EPC2: variants seen among roughly 807,000 people sequenced by gnomAD.
The protein encoded by EPC2 is enhancer of polycomb 2.
A neutral mutation model predicts 92.1 loss-of-function variants in EPC2; 14 were observed. That is an observed-to-expected ratio of 0.15 (90% CI 0.10 to 0.24). The LOEUF is 0.24. EPC2 is among the 10% of genes least tolerant of loss of function. The probability of loss-of-function intolerance (pLI) is 1.00; values close to 1 mark genes in which losing one functional copy is unlikely to be tolerated. For synonymous variants in EPC2, 340 were observed against 334.7 expected, an observed-to-expected ratio of 1.02 and a Z score of -0.17; for missense variants, 755 against 971.5, an observed-to-expected ratio of 0.78 and a Z score of 2.96.
At chr2:148,675,674 A>G (rs1336240921) in intron 1 of EPC2, among the ~76,000 whole-genome samples, 1 of 152,148 alleles carries the variant, frequency 6.6e-6, no homozygotes, top group Non-Finnish European at 1.5e-5. Context: ...CCCAGTATCT[A>G]TCCTCTCTCC....
intron 2 of EPC2, among the ~76,000 whole-genome samples, chr2:148,696,313 T>C (rs1681743971): frequency 6.6e-6 from 1 of 152,102 alleles, no homozygotes; most frequent in Non-Finnish European, 1.5e-5. Context: ...ATGCCAGACA[T>C]TGTGTGAAAA....
At chr2:148,775,039 A>C (rs1322900996) in intron 10 of EPC2, among the ~76,000 whole-genome samples, 1 of 151,136 alleles carries the variant, frequency 6.6e-6, no homozygotes, top group Non-Finnish European at 1.5e-5. Context: ...CAGCAAGCCG[A>C]GATCCTGCCA....
chr2:148,685,027 TTTCTC>T (rs1332080821), intron 1 of EPC2, among the ~76,000 whole-genome samples: 2 of 152,214 alleles, frequency 1.3e-5, no homozygotes, highest in African/African-American at 4.8e-5. Flanking sequence ...CCTTTTGGGT[TTTCTC>T]TTCTGTAAAT....
intron 10 of EPC2, among the ~76,000 whole-genome samples, chr2:148,771,791 C>T (rs1683525824): frequency 6.7e-6 from 1 of 150,192 alleles, no homozygotes; most frequent in Admixed American, 6.8e-5. Flanking sequence ...TTAGGAGACT[C>T]CCTGTGAATA....
At chr2:148,780,510 T>C (rs1307335131) in intron 10 of EPC2, among the ~76,000 whole-genome samples, 1 of 152,184 alleles carries the variant, frequency 6.6e-6, no homozygotes, top group Non-Finnish European at 1.5e-5. Flanking sequence ...TAAACTCCTT[T>C]AGGTCATATT....
intron 1 of EPC2, among the ~76,000 whole-genome samples, chr2:148,669,241 C>T (rs1445191349): frequency 6.6e-6 from 1 of 152,110 alleles, no homozygotes; most frequent in Non-Finnish European, 1.5e-5. Flanking sequence ...TTTTGTTCCC[C>T]TCTCCCTCTT....
chr2:148,759,392 C>CA (rs956119039), intron 4 of EPC2, among the ~76,000 whole-genome samples: 10 of 151,716 alleles, frequency 6.6e-5, no homozygotes, highest in African/African-American at 1.5e-4. Flanking sequence ...TGCGCCCGGC[C>CA]AAAAAAAGTA....
intron 2 of EPC2, among the ~76,000 whole-genome samples, chr2:148,722,155 G>T (rs942151531): frequency 6.6e-6 from 1 of 152,088 alleles, no homozygotes; most frequent in Non-Finnish European, 1.5e-5. Flanking sequence ...CGGTTTTATG[G>T]TGTGTTTTGT....
At chr2:148,675,816 G>C (rs1195600433) in intron 1 of EPC2, among the ~76,000 whole-genome samples, 1 of 152,208 alleles carries the variant, frequency 6.6e-6, no homozygotes, top group East Asian at 1.9e-4. Context: ...TAAGGTGGTA[G>C]AGTATATAAG....
intron 1 of EPC2, among the ~76,000 whole-genome samples, chr2:148,646,273 G>A (rs1683799038): frequency 6.6e-6 from 1 of 152,180 alleles, no homozygotes; most frequent in African/African-American, 2.4e-5. Flanking sequence ...TAATATTGCA[G>A]GAAATGCTTT....
intron 1 of EPC2, among the ~76,000 whole-genome samples, chr2:148,654,106 G>A (rs1285811030): frequency 6.6e-6 from 1 of 151,850 alleles, no homozygotes; most frequent in Non-Finnish European, 1.5e-5. Flanking sequence ...ACGCCACCAC[G>A]CCCAGCTAAT....
intron 11 of EPC2, among the ~76,000 whole-genome samples, chr2:148,782,399 T>A (rs1415620098): frequency 6.6e-6 from 1 of 152,054 alleles, no homozygotes; most frequent in Non-Finnish European, 1.5e-5. Flanking sequence ...TAACTGGGCA[T>A]GGTGGTGAAT....
At chr2:148,709,066 C>T (rs1402049040) in intron 2 of EPC2, among the ~76,000 whole-genome samples, 1 of 152,160 alleles carries the variant, frequency 6.6e-6, no homozygotes, top group African/African-American at 2.4e-5. Flanking sequence ...TCCCTGTTTG[C>T]AGATGACATG....
intron 2 of EPC2, among the ~76,000 whole-genome samples, chr2:148,727,335 A>G (rs1310230874): frequency 1.3e-5 from 2 of 152,108 alleles, no homozygotes; most frequent in African/African-American, 4.8e-5. Context: ...CTATAGCTTT[A>G]TAATTTGTTT....
chr2:148,726,771 T>TG (rs1244413474), intron 2 of EPC2, among the ~76,000 whole-genome samples: 11 of 150,302 alleles, frequency 7.3e-5, no homozygotes, highest in East Asian at 1.9e-4. Flanking sequence ...TTTTGTTTTT[T>TG]TTTTTTTTGC....
intron 2 of EPC2, among the ~76,000 whole-genome samples, chr2:148,722,575 A>G (rs967243762): frequency 6.6e-6 from 1 of 152,248 alleles, no homozygotes; most frequent in Non-Finnish European, 1.5e-5. Flanking sequence ...CACTGCGGGT[A>G]GGAATGTAAA....
intron 1 of EPC2, among the ~76,000 whole-genome samples, chr2:148,668,580 T>G (rs1243562396): frequency 6.6e-6 from 1 of 152,208 alleles, no homozygotes; most frequent in Non-Finnish European, 1.5e-5. Context: ...TGGAGTTTTC[T>G]TTGTGTGAAC....
chr2:148,766,950 G>A (rs6722966), intron 7 of EPC2, among the ~76,000 whole-genome samples: 108,162 of 151,986 alleles, frequency 0.71, 40,262 homozygotes, highest in Non-Finnish European at 0.85. Context: ...TTGGGAAGCC[G>A]AAGCAGGTGG....
chr2:148,759,782 G>T (rs1280589148), intron 4 of EPC2, among the ~76,000 whole-genome samples: 1 of 152,142 alleles, frequency 6.6e-6, no homozygotes, highest in Non-Finnish European at 1.5e-5. Context: ...AACCTTTAGA[G>T]AATCTGGATG....
Sources: gnomAD v4.1 joint callset for allele counts (sites outside exome capture counted in the v4.1 genomes callset) on GRCh38, gnomAD v4.1.1 for gene constraint, MANE v1.5 for transcripts, NCBI Gene and HGNC (gene_info 2026-07-23, HGNC 2026-07-21) for gene names.